MTRF1: variants seen among roughly 807,000 people sequenced by gnomAD.
MTRF1 encodes mitochondrial translation release factor 1.
MTRF1 carries 51 observed loss-of-function variants against 62.9 expected under a neutral mutation model. The ratio of observed to expected loss-of-function variants is 0.81; its 90% CI spans 0.65 to 1.02. The LOEUF is 1.02. Among genes scored for constraint, MTRF1 ranks in the 50% least tolerant of loss-of-function variants. MTRF1 has a pLI of 0.00. For missense variants in MTRF1, 446 were observed against 530.0 expected, an observed-to-expected ratio of 0.84 and a Z score of 1.56; for synonymous variants, 158 against 181.9, an observed-to-expected ratio of 0.87 and a Z score of 1.06.
intron 7 of MTRF1, among the ~76,000 whole-genome samples, chr13:41,231,515 C>T (rs998360533): frequency 6.6e-6 from 1 of 152,206 alleles, no homozygotes; most frequent in Non-Finnish European, 1.5e-5. Context: ...GAGACCTTGA[C>T]TTTACTCTCA....
At chr13:41,311,177 C>A in the MTRF1 span, 4 of 421,270 alleles carry the variant, frequency 9.5e-6, no homozygotes, top group South Asian at 1.1e-4. Flanking sequence ...CCCCGCTACG[C>A]CCCCGTAGTC....
At chr13:41,225,018 C>G (rs2138708861) in intron 8 of MTRF1, among the ~76,000 whole-genome samples, 1 of 152,148 alleles carries the variant, frequency 6.6e-6, no homozygotes, top group Non-Finnish European at 1.5e-5. Flanking sequence ...TCGACACCAG[C>G]CTGGCCAACA....
At chr13:41,238,898 C>T (rs2037099709) in intron 6 of MTRF1, among the ~76,000 whole-genome samples, 1 of 151,880 alleles carries the variant, frequency 6.6e-6, no homozygotes. Context: ...TAACTTTCAA[C>T]ATAATACAGA....
the MTRF1 span, chr13:41,287,671 C>T: frequency 3.2e-5 from 5 of 154,852 alleles, no homozygotes; most frequent in Non-Finnish European, 5.8e-5. Flanking sequence ...AGTGAGAAGG[C>T]GCTACCATTT....
At chr13:41,283,730 C>T in the MTRF1 span, among the ~76,000 whole-genome samples, 89 of 150,174 alleles carry the variant, frequency 5.9e-4, no homozygotes, top group African/African-American at 1.9e-3. Flanking sequence ...GCTGGGACCA[C>T]AGGCGCCCGC....
In MTRF1 at chr13:41,216,980, C is replaced by T. The variant is rs533740871; in HGVS notation, c.*135G>A. The T allele has an allele frequency of 7.4e-4, 363 of 487,350 alleles. No individual in the cohort carries two copies. The highest frequency in any genetic ancestry group is 6.5e-3 in the African/African-American group (328 of 50,508). The allele number at this position is 487,350 out of a possible 1,614,324, so 30.2% of individuals were successfully genotyped here. On this transcript the variant is annotated 3_prime_UTR_variant, in exon 10 of 10. Coordinates refer to ENST00000379480, the MANE Select transcript of MTRF1 (RefSeq NM_004294.4). ...CAGGAAATGTGACTTCGATTAATTA[C>T]AAAACATATATTTATGTGTAATGTG...
the MTRF1 span, among the ~76,000 whole-genome samples, chr13:41,296,021 A>G: frequency 6.6e-6 from 1 of 152,122 alleles, no homozygotes; most frequent in Non-Finnish European, 1.5e-5. Context: ...TACAATCACA[A>G]CTTGCTGTAA....
At chr13:41,289,458 G>A in the MTRF1 span, among the ~76,000 whole-genome samples, 19 of 152,154 alleles carry the variant, frequency 1.2e-4, no homozygotes, top group African/African-American at 2.9e-4. Context: ...GGCTGGTCTC[G>A]AACTCCTGCT....
chr13:41,311,971 G>C, the MTRF1 span, among the ~76,000 whole-genome samples: 4 of 152,182 alleles, frequency 2.6e-5, no homozygotes, highest in Non-Finnish European at 5.9e-5. Context: ...GTCTCTCCTC[G>C]GCTAGGTGTT....
At chr13:41,250,603 C>T (rs1402500625) in intron 5 of MTRF1, among the ~76,000 whole-genome samples, 4 of 151,818 alleles carry the variant, frequency 2.6e-5, no homozygotes, top group East Asian at 1.9e-4. Flanking sequence ...AAATGATTCT[C>T]GTGCCTCAGC....
chr13:41,244,419 G>A (rs1443393349), intron 5 of MTRF1, among the ~76,000 whole-genome samples: 3 of 152,124 alleles, frequency 2.0e-5, no homozygotes, highest in African/African-American at 7.2e-5. Context: ...ATTTTCAGAT[G>A]TGCACATGGT....
At chr13:41,271,054 TACACACACAC>T in the MTRF1 span, among the ~76,000 whole-genome samples, 180 of 143,348 alleles carry the variant, frequency 1.3e-3, 1 homozygote, top group East Asian at 9.7e-3. Context: ...GCCTTTTAAA[TACACACACAC>T]ACACACACAC....
chr13:41,281,181 T>A, the MTRF1 span, among the ~76,000 whole-genome samples: 1 of 152,154 alleles, frequency 6.6e-6, no homozygotes, highest in East Asian at 1.9e-4. Flanking sequence ...TTTATCTTTC[T>A]CTGTTTTAGA....
intron 6 of MTRF1, among the ~76,000 whole-genome samples, chr13:41,238,482 A>C (rs1246257167): frequency 2.0e-5 from 3 of 152,182 alleles, no homozygotes; most frequent in African/African-American, 7.2e-5. Context: ...AGTGTGGGGT[A>C]GGAGGTGAGA....
the MTRF1 span, among the ~76,000 whole-genome samples, chr13:41,308,445 T>C: frequency 2.0e-5 from 3 of 152,270 alleles, no homozygotes; most frequent in Admixed American, 6.5e-5. Flanking sequence ...TAAATGACAA[T>C]GTAGATAAAT....
Position 41,217,104 on chromosome 13 carries a change from TAA to T in MTRF1, c.*9_*10del, listed in dbSNP as rs770596437. The T allele has an allele frequency of 3.2e-5, 46 of 1,440,668 alleles. No individual in the cohort carries two copies. Among genetic ancestry groups the T allele is most frequent in the Non-Finnish European group, 4.1e-5 (42 of 1,033,938 alleles). 89.2% of individuals were successfully genotyped at this position (1,440,668 alleles called of 1,614,324 possible). ...TCATTTATATAATCATAAATAATAATAAGTTAGTATTTATTTTGCTGATTTAA... is the reference window on the plus strand; with the variant it reads ...TCATTTATATAATCATAAATAATAATGTTAGTATTTATTTTGCTGATTTAA... On this transcript the variant is annotated 3_prime_UTR_variant, in exon 10 of 10. Transcript: ENST00000379480.
the MTRF1 span, among the ~76,000 whole-genome samples, chr13:41,307,193 C>T: frequency 6.6e-5 from 10 of 152,126 alleles, no homozygotes; most frequent in East Asian, 1.9e-4. Context: ...TTGTGCCCCC[C>T]CCACCCCAAT....
the MTRF1 span, among the ~76,000 whole-genome samples, chr13:41,291,547 A>G: frequency 6.6e-6 from 1 of 151,788 alleles, no homozygotes; most frequent in Admixed American, 6.6e-5. Flanking sequence ...GCTTCTCCCT[A>G]TCCTTCTGGC....
chr13:41,219,500 A>C (rs2138634696), intron 9 of MTRF1, among the ~76,000 whole-genome samples: 1 of 152,324 alleles, frequency 6.6e-6, no homozygotes, highest in Admixed American at 6.5e-5. Context: ...TAAGTAGAAC[A>C]GCTAGACAAA....
Sources: allele counts gnomAD v4.1 joint callset (sites outside exome capture counted in the v4.1 genomes callset), GRCh38; gene constraint gnomAD v4.1.1; transcripts MANE v1.5; gene names NCBI Gene and HGNC (gene_info 2026-07-23, HGNC 2026-07-21).